Variants in IGSF1 observed in about 807,000 individuals in gnomAD.
IGSF1 encodes the protein immunoglobulin superfamily member 1.
In IGSF1, 40 loss-of-function variants were observed where a neutral mutation model predicts 95.3. That is an observed-to-expected ratio of 0.42 (90% confidence interval 0.33 to 0.55). IGSF1 has a LOEUF of 0.55. IGSF1 is among the 20% of genes least tolerant of loss of function. The pLI is 0.10. For synonymous variants in IGSF1, 372 were observed against 382.9 expected, an observed-to-expected ratio of 0.97 and a Z score of 0.33; for missense variants, 906 against 1,025.4, an observed-to-expected ratio of 0.88 and a Z score of 1.59.
intron 5 of IGSF1, chrX:131,284,158 TA>T: frequency 1.7e-6 from 1 of 605,590 alleles, no homozygotes; most frequent in Non-Finnish European, 2.0e-6. Context: ...AAAGCTATAC[TA>T]ACAAAATTAA....
intron 18 of IGSF1, 117 bp downstream of exon 18, chrX:131,274,482 C>T: frequency 1.2e-6 from 1 of 802,604 alleles, no homozygotes; most frequent in East Asian, 3.2e-5. Context: ...AGATGACACA[C>T]TTCAGGTCCC....
At position 131,281,220 on chromosome X, in the gene IGSF1, G is replaced by C. The variant is rs1442573761; in HGVS notation, c.1644C>G (p.Ile548Met). 5 of 1,211,010 alleles carry C rather than the reference G, an allele frequency of 4.1e-6. No individual in the cohort carries two copies. Among genetic ancestry groups the C allele is most frequent in the Non-Finnish European group, 5.6e-6 (5 of 894,964 alleles). Residue 548 changes from isoleucine (I) to methionine (M), a missense_variant and splice_region_variant, in exon 9 of 20, where the codon ATC (isoleucine) becomes ATG (methionine). Coordinates refer to ENST00000361420, the MANE Select transcript of IGSF1 (RefSeq NM_001555.5). Reference sequence around the variant, plus strand: ...GGGGGCTGGGACAAGACAGTTACCTGATTCTGAGTCTCCGACACTTCCACC... The same window carrying C: ...GGGGGCTGGGACAAGACAGTTACCTCATTCTGAGTCTCCGACACTTCCACC... ...WIRWKCRRLR[I>M]REAWLLGTAQ...
Position 131,285,261 on chromosome X carries a change from C to A in IGSF1, c.585G>T (p.Gly195=), listed in dbSNP as rs1285463900. 8.3e-7 allele frequency: 1 copy of A among 1,209,547 alleles called. No homozygotes were observed. The highest frequency in any genetic ancestry group is 2.2e-5 in the Admixed American group (1 of 45,834). Residue 195 remains glycine (G), a synonymous_variant, in exon 5 of 20, where the codon GGG becomes GGT. Transcript: ENST00000361420. The part of the protein sequence containing the change: ...SIDNLTPEDE[G]VYICRTHIQM... ...GGATATGAGTGCGGCAGATGTAAAC[C>A]CCTTCATCCTCAGGTGTCAGGTTGT...
At chrX:131,281,589 T>G in intron 8 of IGSF1, 77 bp downstream of exon 8, 1 of 1,083,745 alleles carries the variant, frequency 9.2e-7, no homozygotes, top group Non-Finnish European at 1.2e-6. Context: ...CTGACTCCCT[T>G]TCCCATATCT....
At position 131,273,872 on chromosome X, in the gene IGSF1, C is replaced by T. The variant is rs753343235; in HGVS notation, c.3935G>A (p.Gly1312Glu). ...TIALEECNQE[G>E]EPGTPANSPS... ...AGAATTGGCAGGGGTGCCTGGTTCTCCTTCTTGGTTACACTCTTCAAGGGC... is the reference window on the plus strand; with the variant it reads ...AGAATTGGCAGGGGTGCCTGGTTCTTCTTCTTGGTTACACTCTTCAAGGGC... The change falls in exon 20 of 20, where the codon GGA (glycine) becomes GAA (glutamate). Residue 1312 changes from glycine (G) to glutamate (E), a missense_variant. This residue lies in a region of IGSF1 where 411 missense variants were observed against 494.9 expected (regional missense o/e 0.83). Coordinates refer to ENST00000361420, the MANE Select transcript of IGSF1 (RefSeq NM_001555.5). 82 of 1,208,059 alleles carry T rather than the reference C, an allele frequency of 6.8e-5. No homozygotes were observed. The highest frequency in any genetic ancestry group is 8.7e-5 in the Non-Finnish European group (78 of 893,734).
chrX:131,279,432 C>G (rs7891556), intron 9 of IGSF1, 91 bp from the exon 10 acceptor site: 1 of 696,353 alleles, frequency 1.4e-6, no homozygotes, highest in South Asian at 2.2e-5. Context: ...TTGGCTTACT[C>G]GCTACCCAAT....
In IGSF1 at chrX:131,274,692, C is replaced by G; in HGVS notation, c.3658G>C (p.Gly1220Arg). Residue 1220 changes from glycine to arginine, a missense_variant, in exon 18 of 20, where the codon GGC becomes CGC. Transcript: ENST00000361420. ...TAGCTGCAGCTGTAGTTTCCAATGC[C>G]TTTTCCTTCTACGTTGTTGATGACA... ...DFVINNVEGK[G>R]IGNYSCSYRL... The G allele has an allele frequency of 8.3e-7, 1 of 1,211,503 alleles. No homozygotes were observed. The highest frequency in any genetic ancestry group is 1.1e-6 in the Non-Finnish European group (1 of 895,178).
In IGSF1 at chrX:131,273,587, C is replaced by T; in HGVS notation, c.*209G>A. 1 of 414,552 alleles carries T rather than the reference C, an allele frequency of 2.4e-6. No individual in the cohort carries two copies. Among genetic ancestry groups the T allele is most frequent in the South Asian group, 5.2e-5 (1 of 19,147 alleles). 34.2% of individuals were successfully genotyped at this position (414,552 alleles called of 1,213,427 possible). A position where few individuals can be genotyped will look rare whatever the true frequency, so the allele number is the denominator to read the frequency against. ...AATTTCATGCGCCAGTAAATCAGTA[C>T]AGTGAGGAGTTACAGGGGTGGGGAA... is the stretch of plus-strand genomic sequence containing the variant. On this transcript the variant is annotated 3_prime_UTR_variant, in exon 20 of 20. Coordinates refer to ENST00000361420, the MANE Select transcript of IGSF1 (RefSeq NM_001555.5).
At position 131,279,204 on chromosome X, in the gene IGSF1, GC is replaced by G. The variant is rs775542087; in HGVS notation, c.1718-30del. On this transcript the variant is annotated intron_variant, in intron 10 of 19. Transcript: ENST00000361420. ...CAAAAGAAATTGCTGCCAGGACTCG[GC>G]CCCCTCCCCCACCGGGACTTCACCC... 1.2e-5 allele frequency: 15 copies of G among 1,208,428 alleles called. No homozygotes were observed. The South Asian group carries it at 2.3e-4, about 18-fold the overall frequency.
At chrX:131,283,990 G>A (rs948200532) in intron 5 of IGSF1, among the ~76,000 whole-genome samples, 3 of 111,962 alleles carry the variant, frequency 2.7e-5, no homozygotes, top group African/African-American at 9.7e-5. Flanking sequence ...CACAGTCTCC[G>A]CTAGCAAAAA....
At chrX:131,278,232 T>G (rs1229104129) in intron 12 of IGSF1, 98 bp from the exon 13 acceptor site, 2 of 909,016 alleles carry the variant, frequency 2.2e-6, no homozygotes, top group African/African-American at 4.0e-5. Flanking sequence ...ACATTCATTC[T>G]GGGCTGGCCC....
intron 9 of IGSF1, among the ~76,000 whole-genome samples, chrX:131,280,367 T>A (rs1408259846): frequency 1.8e-5 from 2 of 111,594 alleles, no homozygotes; most frequent in Non-Finnish European, 3.8e-5. Flanking sequence ...ATCATAATCA[T>A]AATCCATTGT....
chrX:131,278,265 TCA>T, intron 12 of IGSF1, 131 bp from the exon 13 acceptor site: 6 of 743,961 alleles, frequency 8.1e-6, no homozygotes, highest in Non-Finnish European at 1.2e-5. Flanking sequence ...GTCAGTCTCC[TCA>T]CACTCTCTTT....
chrX:131,284,809 T>C (rs892072006), intron 5 of IGSF1: 7 of 879,050 alleles, frequency 8.0e-6, no homozygotes, highest in African/African-American at 4.2e-5. Context: ...CATTTGCAAA[T>C]TTAAAACTCC....
Position 131,277,142 on chromosome X carries a change from G to C in IGSF1, c.2405C>G (p.Pro802Arg). ...GARVTFNCSTPHQHMSFILYK... is the reference protein window; with the variant it reads ...GARVTFNCSTRHQHMSFILYK... ...AAGAATAAAGCTCATATGCTGGTGG[G>C]GGGTGGAGCAATTGAAAGTCACTCG... The change falls in exon 14 of 20, where the codon CCC becomes CGC. Residue 802 changes from proline (P) to arginine (R), a missense_variant. Pro to Arg is a moderately radical substitution (Grantham distance 103). Transcript: ENST00000361420. 8.3e-7 allele frequency: 1 copy of C among 1,210,846 alleles called. No homozygotes were observed. Among genetic ancestry groups the C allele is most frequent in the East Asian group, 3.0e-5 (1 of 33,825 alleles).
At chrX:131,276,874 C>G in intron 14 of IGSF1, 65 bp downstream of exon 14, 1 of 1,059,824 alleles carries the variant, frequency 9.4e-7, no homozygotes, top group Non-Finnish European at 1.3e-6. Flanking sequence ...TCCTCTCCCA[C>G]TGACAGCCTT....
intron 3 of IGSF1, 129 bp downstream of exon 3, chrX:131,286,308 A>G: frequency 1.6e-6 from 1 of 607,491 alleles, no homozygotes. Context: ...TAGGAAACCA[A>G]GTCCTCTGAT....
In IGSF1 at chrX:131,286,605, G is replaced by A. The variant is rs767093474; in HGVS notation, c.70C>T (p.Arg24Trp). ...CCCCTCACCCCTTCCTTGTACTCAC[G>A]AATGCAAAAGAGCAAAACAGTGAAT... ...KTFTVLLFCIRMSLGMTSIVM... is the reference protein window; with the variant it reads ...KTFTVLLFCIWMSLGMTSIVM... Residue 24 changes from arginine (R) to tryptophan (W), a missense_variant and splice_region_variant, in exon 2 of 20, where the codon CGG (arginine) becomes TGG (tryptophan). Coordinates refer to ENST00000361420, the MANE Select transcript of IGSF1 (RefSeq NM_001555.5). 8 of 1,205,686 alleles carry A rather than the reference G, an allele frequency of 6.6e-6. No individual in the cohort carries two copies. Among genetic ancestry groups the A allele is most frequent in the African/African-American group, 3.5e-5 (2 of 57,090 alleles).
At chrX:131,284,080 G>T (rs976585234) in intron 5 of IGSF1, 14 of 680,312 alleles carry the variant, frequency 2.1e-5, no homozygotes, top group Non-Finnish European at 2.3e-5. Context: ...TGCTGAAAGG[G>T]CATGAGTACA....
Sources: allele counts gnomAD v4.1 joint callset (sites outside exome capture counted in the v4.1 genomes callset), GRCh38; gene constraint gnomAD v4.1.1; regional missense constraint gnomAD v4.1.1; transcripts MANE v1.5; gene names NCBI Gene and HGNC (gene_info 2026-07-23, HGNC 2026-07-21).